Variants in TRPM3 observed in about 807,000 individuals in gnomAD.
The protein encoded by TRPM3 is long transient receptor potential channel 3.
TRPM3 carries 77 observed loss-of-function variants against 181.2 expected under a neutral mutation model. The observed-to-expected ratio is 0.42, with a 90% confidence interval of 0.35 to 0.51. TRPM3 has a LOEUF of 0.51. TRPM3 is among the 20% of genes least tolerant of loss of function. The pLI, the probability that TRPM3 is intolerant of heterozygous loss-of-function variation, is 0.01. For missense variants in TRPM3, 1,759 were observed against 2,196.7 expected (o/e 0.80, Z 3.98); for synonymous variants, 745 against 796.4 (o/e 0.94, Z 1.09).
At chr9:70,939,868 G>C (rs1167047791) in intron 1 of TRPM3, among the ~76,000 whole-genome samples, 2 of 152,122 alleles carry the variant, frequency 1.3e-5, no homozygotes, top group East Asian at 3.8e-4. Context: ...TTTGAAGGTG[G>C]CATGTAAATA....
chr9:71,320,072 T>A (rs2089056164), intron 1 of TRPM3, among the ~76,000 whole-genome samples: 1 of 151,416 alleles, frequency 6.6e-6, no homozygotes, highest in East Asian at 1.9e-4. Flanking sequence ...GGGTAGGGAG[T>A]TGTTGGGGTA....
chr9:70,880,610 T>A (rs2095972632), intron 1 of TRPM3, among the ~76,000 whole-genome samples: 2 of 152,048 alleles, frequency 1.3e-5, no homozygotes, highest in African/African-American at 4.8e-5. Flanking sequence ...TTTAAATGAT[T>A]AATTAGTCCA....
At chr9:70,972,594 A>G (rs2133936453) in intron 1 of TRPM3, among the ~76,000 whole-genome samples, 1 of 152,304 alleles carries the variant, frequency 6.6e-6, no homozygotes, top group Non-Finnish European at 1.5e-5. Flanking sequence ...CCACTAAATT[A>G]TACACCCTAG....
chr9:70,746,181 G>A (rs766644312), intron 8 of TRPM3, among the ~76,000 whole-genome samples: 4 of 152,112 alleles, frequency 2.6e-5, no homozygotes, highest in Non-Finnish European at 5.9e-5. Flanking sequence ...GGTAGTAAGA[G>A]ACTACCATTT....
At chr9:71,057,822 C>T (rs1200152742) in intron 1 of TRPM3, among the ~76,000 whole-genome samples, 1 of 151,978 alleles carries the variant, frequency 6.6e-6, no homozygotes, top group Non-Finnish European at 1.5e-5. Flanking sequence ...TACTTTTTAA[C>T]ATTTGATTTA....
chr9:71,074,662 A>G (rs745893865), intron 1 of TRPM3, among the ~76,000 whole-genome samples: 1 of 152,222 alleles, frequency 6.6e-6, no homozygotes, highest in Non-Finnish European at 1.5e-5. Flanking sequence ...TGTAAGCATT[A>G]AAAGAGATGA....
chr9:71,302,074 C>A, intron 1 of TRPM3, among the ~76,000 whole-genome samples: 1 of 152,114 alleles, frequency 6.6e-6, no homozygotes, highest in Non-Finnish European at 1.5e-5. Context: ...CAAATGTCTA[C>A]ATAAAACAAA....
intron 1 of TRPM3, among the ~76,000 whole-genome samples, chr9:71,420,826 AGG>A (rs2093739341): frequency 5.7e-5 from 2 of 35,292 alleles, no homozygotes; most frequent in East Asian, 6.3e-4. Context: ...AGAGAAAGAG[AGG>A]GAAAGAAAGA....
At chr9:70,990,965 A>C (rs943894696) in intron 1 of TRPM3, among the ~76,000 whole-genome samples, 1 of 152,210 alleles carries the variant, frequency 6.6e-6, no homozygotes, top group Non-Finnish European at 1.5e-5. Context: ...TTTCTAATAT[A>C]AATAACTGTT....
At chr9:70,857,990 G>A (rs188913320) in intron 3 of TRPM3, among the ~76,000 whole-genome samples, 1 of 152,256 alleles carries the variant, frequency 6.6e-6, no homozygotes, top group African/African-American at 2.4e-5. Flanking sequence ...GACACACAGA[G>A]TGCTCCTGAG....
intron 1 of TRPM3, among the ~76,000 whole-genome samples, chr9:71,337,747 C>A (rs947422178): frequency 6.6e-6 from 1 of 152,120 alleles, no homozygotes; most frequent in African/African-American, 2.4e-5. Context: ...GAATACTATG[C>A]AGCCATAAAA....
At chr9:71,059,271 C>T (rs2061032577) in intron 1 of TRPM3, among the ~76,000 whole-genome samples, 1 of 151,882 alleles carries the variant, frequency 6.6e-6, no homozygotes, top group Non-Finnish European at 1.5e-5. Flanking sequence ...CTGAACTTCT[C>T]TAGGAGATTT....
At chr9:70,971,513 A>T (rs1020487393) in intron 1 of TRPM3, among the ~76,000 whole-genome samples, 3 of 152,130 alleles carry the variant, frequency 2.0e-5, no homozygotes, top group African/African-American at 7.2e-5. Flanking sequence ...TGGCACCCGA[A>T]TCCCTATTAG....
At chr9:70,634,743 G>C (rs1320768161) in intron 12 of TRPM3, among the ~76,000 whole-genome samples, 1 of 152,124 alleles carries the variant, frequency 6.6e-6, no homozygotes, top group Non-Finnish European at 1.5e-5. Flanking sequence ...TAGAAGAATG[G>C]AATGCATATT....
chr9:71,399,860 T>C (rs992007365), intron 1 of TRPM3, among the ~76,000 whole-genome samples: 1 of 152,200 alleles, frequency 6.6e-6, no homozygotes, highest in African/African-American at 2.4e-5. Flanking sequence ...CAGAAGTTGT[T>C]GATTTTTTTC....
chr9:70,550,470 AAAAT>A (rs1359109110), intron 24 of TRPM3, among the ~76,000 whole-genome samples: 3 of 152,216 alleles, frequency 2.0e-5, no homozygotes, highest in Admixed American at 2.0e-4. Context: ...TTAAGTGAGA[AAAAT>A]AAAGCCTTAT....
At chr9:71,175,109 T>C (rs2077043659) in intron 1 of TRPM3, among the ~76,000 whole-genome samples, 1 of 152,146 alleles carries the variant, frequency 6.6e-6, no homozygotes, top group African/African-American at 2.4e-5. Context: ...GCAGAGCAGT[T>C]CCTGCAAGAC....
chr9:70,930,399 T>C (rs527301104), intron 1 of TRPM3, among the ~76,000 whole-genome samples: 285 of 152,336 alleles, frequency 1.9e-3, no homozygotes, highest in Middle Eastern at 6.8e-3. Context: ...AAAAATTATT[T>C]ATCTGGGTGA....
rs1006401651 is a variant in TRPM3 at position 71,220,229 on chromosome 9, T to C, written c.183+226424A>G. ...CACTAGCAACTCTCTCCAAAGGTGA[T>C]ATCTAGACTATTAGATTTTACAAAA... is the stretch of plus-strand genomic sequence containing the variant. On this transcript the variant is annotated intron_variant, in intron 1 of 24. Transcript: ENST00000357533. Among the ~76,000 whole-genome samples, 4 of 152,312 alleles carry C rather than the reference T, an allele frequency of 2.6e-5. No individual in the cohort carries two copies. In the South Asian group the frequency reaches 8.3e-4, roughly 32 times the overall value.
Sources: gnomAD v4.1 joint callset for allele counts (sites outside exome capture counted in the v4.1 genomes callset) on GRCh38, gnomAD v4.1.1 for gene constraint, MANE v1.5 for transcripts, NCBI Gene and HGNC (gene_info 2026-07-23, HGNC 2026-07-21) for gene names.